KSR2: variants seen among roughly 807,000 people sequenced by gnomAD.
The protein encoded by KSR2 is kinase suppressor of ras 2.
KSR2 carries 25 observed loss-of-function variants against 107.8 expected under a neutral mutation model. The observed-to-expected ratio is 0.23, with a 90% CI of 0.17 to 0.32. The LOEUF (loss-of-function observed/expected upper bound fraction) is 0.32, where lower values mean the gene tolerates loss of function less well. KSR2 is among the 10% of genes least tolerant of loss of function. The probability of loss-of-function intolerance (pLI) is 1.00; values close to 1 mark genes in which losing one functional copy is unlikely to be tolerated. For synonymous variants in KSR2, 480 were observed against 507.0 expected (o/e 0.95, Z 0.71); for missense variants, 887 against 1,268.9 (o/e 0.70, Z 4.57).
intron 4 of KSR2, among the ~76,000 whole-genome samples, chr12:117,669,438 C>A (rs982600228): frequency 1.1e-4 from 16 of 152,090 alleles, no homozygotes; most frequent in African/African-American, 3.4e-4. Flanking sequence ...AGCTACTCGT[C>A]CACATGAGCA....
Position 117,761,214 on chromosome 12 carries a change from C to A in KSR2, c.783G>T (p.Pro261=). The change falls in exon 4 of 20, where the codon CCG becomes CCT. Residue 261 remains proline (P), a synonymous_variant. Coordinates refer to ENST00000339824, the MANE Select transcript of KSR2 (RefSeq NM_173598.6). The stretch of plus-strand genomic sequence containing the variant: ...TGGTGACGATGTTGGGGGTGCGCGG[C>A]GGGGTGCGGACCGCGTGCCGCTGCC... ...SPRQRHAVRT[P]PRTPNIVTTV... is the part of the protein sequence containing the mutation. The A allele has an allele frequency of 1.9e-6, 3 of 1,564,174 alleles. No homozygotes were observed. In the South Asian group the frequency reaches 3.6e-5, roughly 19 times the overall value.
At chr12:117,728,549 A>G (rs529828676) in intron 4 of KSR2, among the ~76,000 whole-genome samples, 2 of 152,282 alleles carry the variant, frequency 1.3e-5, no homozygotes, top group Admixed American at 1.3e-4. Context: ...GCTGCCCCAC[A>G]CTTCAGGAAT....
At chr12:117,853,156 G>T (rs1425179067) in intron 3 of KSR2, among the ~76,000 whole-genome samples, 8 of 152,134 alleles carry the variant, frequency 5.3e-5, no homozygotes, top group Admixed American at 5.2e-4. Flanking sequence ...TCACTGTAAA[G>T]AAATAGCCAC....
At chr12:117,555,920 A>G (rs887796754) in intron 8 of KSR2, among the ~76,000 whole-genome samples, 1 of 152,160 alleles carries the variant, frequency 6.6e-6, no homozygotes, top group Admixed American at 6.5e-5. Flanking sequence ...GAAGCTCAAA[A>G]TCAAATTTGA....
intron 14 of KSR2, among the ~76,000 whole-genome samples, chr12:117,507,668 G>C (rs1210541310): frequency 1.3e-5 from 2 of 152,124 alleles, no homozygotes; most frequent in Non-Finnish European, 2.9e-5. Context: ...ATTCTGATTG[G>C]TTTTCTTGAG....
intron 1 of KSR2, among the ~76,000 whole-genome samples, chr12:117,948,246 C>T (rs910197308): frequency 6.6e-6 from 1 of 151,592 alleles, no homozygotes; most frequent in African/African-American, 2.4e-5. Flanking sequence ...GTCAGGAGTT[C>T]GAGACCAGCT....
At chr12:117,863,018 C>T (rs904010296) in intron 1 of KSR2, among the ~76,000 whole-genome samples, 1 of 152,082 alleles carries the variant, frequency 6.6e-6, no homozygotes, top group African/African-American at 2.4e-5. Flanking sequence ...CGTGAGCCAC[C>T]GCACCCGGCC....
At chr12:117,676,823 T>G (rs528978248) in intron 4 of KSR2, among the ~76,000 whole-genome samples, 1 of 152,164 alleles carries the variant, frequency 6.6e-6, no homozygotes, top group Non-Finnish European at 1.5e-5. Flanking sequence ...TGAGGGCCCA[T>G]GTCTGCAAAA....
At chr12:117,471,807 A>G (rs1016541412) in intron 17 of KSR2, among the ~76,000 whole-genome samples, 1 of 152,174 alleles carries the variant, frequency 6.6e-6, no homozygotes, top group African/African-American at 2.4e-5. Context: ...AAAATGCTCA[A>G]TATATAACCT....
intron 3 of KSR2, among the ~76,000 whole-genome samples, chr12:117,778,145 C>A (rs73215929): frequency 3.9e-5 from 6 of 152,238 alleles, no homozygotes; most frequent in African/African-American, 7.2e-5. Flanking sequence ...GAGATGAAGT[C>A]TCTCTCTGTT....
intron 7 of KSR2, among the ~76,000 whole-genome samples, chr12:117,578,262 G>T (rs566572595): frequency 1.5e-3 from 228 of 152,148 alleles, no homozygotes; most frequent in Non-Finnish European, 2.7e-3. Context: ...TTACAAGGCT[G>T]GTTTAAAAAG....
chr12:117,939,743 A>C (rs1250964329), intron 1 of KSR2, among the ~76,000 whole-genome samples: 1 of 150,394 alleles, frequency 6.6e-6, no homozygotes, highest in East Asian at 2.0e-4. Flanking sequence ...AAACGATGTG[A>C]AACGTGGCCA....
intron 4 of KSR2, among the ~76,000 whole-genome samples, chr12:117,731,401 C>T (rs540928968): frequency 1.5e-4 from 22 of 147,420 alleles, no homozygotes; most frequent in African/African-American, 5.1e-4. Context: ...GCAGCCGCCC[C>T]GTCCGGGAGG....
At chr12:117,847,621 C>G (rs932865256) in intron 3 of KSR2, among the ~76,000 whole-genome samples, 1 of 150,582 alleles carries the variant, frequency 6.6e-6, no homozygotes, top group African/African-American at 2.4e-5. Context: ...GAAAAGAGAT[C>G]CAGACACCTT....
chr12:117,494,313 C>T (rs192486958), intron 14 of KSR2, among the ~76,000 whole-genome samples: 1 of 152,292 alleles, frequency 6.6e-6, no homozygotes, highest in Admixed American at 6.5e-5. Flanking sequence ...ACCTAGACCC[C>T]ATAGGTGTTT....
chr12:117,692,249 G>C (rs531028), intron 4 of KSR2, among the ~76,000 whole-genome samples: 115,794 of 151,584 alleles, frequency 0.76, 45,249 homozygotes, highest in Middle Eastern at 0.88. Flanking sequence ...ATTAAAACCA[G>C]AAGGAGATAC....
intron 4 of KSR2, among the ~76,000 whole-genome samples, chr12:117,756,232 G>A (rs551706103): frequency 1.3e-5 from 2 of 152,276 alleles, no homozygotes; most frequent in African/African-American, 2.4e-5. Flanking sequence ...TATATTCAAC[G>A]ATGCCATCTA....
At chr12:117,491,441 A>G (rs1188534380) in intron 14 of KSR2, among the ~76,000 whole-genome samples, 1 of 152,020 alleles carries the variant, frequency 6.6e-6, no homozygotes, top group Non-Finnish European at 1.5e-5. Flanking sequence ...CGGCCTCCCA[A>G]AGTGCTGGGA....
Position 117,918,576 on chromosome 12 carries a change from G to A in KSR2, c.180+49500C>T, listed in dbSNP as rs140610630. Reference sequence around the variant, plus strand: ...GGCTGAGGCAGGCAGATCACCTGAGGTCGGGAGTTTGAGACCAGCCTGACC... The same window carrying A: ...GGCTGAGGCAGGCAGATCACCTGAGATCGGGAGTTTGAGACCAGCCTGACC... On this transcript the variant is annotated intron_variant, in intron 1 of 19. Coordinates refer to ENST00000339824, the MANE Select transcript of KSR2 (RefSeq NM_173598.6). 2.7e-3 allele frequency among the ~76,000 whole-genome samples: 413 copies of A among 151,786 alleles called. 5 individuals are homozygous for A. Among genetic ancestry groups the A allele is most frequent in the Non-Finnish European group, 6.0e-4 (41 of 67,968 alleles).
Sources: gnomAD v4.1 joint callset for allele counts (sites outside exome capture counted in the v4.1 genomes callset) on GRCh38, gnomAD v4.1.1 for gene constraint, MANE v1.5 for transcripts, NCBI Gene and HGNC (gene_info 2026-07-23, HGNC 2026-07-21) for gene names.